The following STK32C variants were observed in gnomAD, a reference collection of about 807,000 sequenced individuals.
STK32C encodes serine/threonine-protein kinase 32C.
In STK32C, 31 loss-of-function variants were observed where a neutral mutation model predicts 56.5. The ratio of observed to expected loss-of-function variants is 0.55; its 90% CI spans 0.41 to 0.74. The LOEUF (loss-of-function observed/expected upper bound fraction) is 0.74, where lower values mean the gene tolerates loss of function less well. Among genes scored for constraint, STK32C ranks in the 30% least tolerant of loss-of-function variants. The pLI is 0.00. For missense variants in STK32C, 544 were observed against 676.9 expected (o/e 0.80, Z 2.18); for synonymous variants, 309 against 289.4 (o/e 1.07, Z -0.69).
At chr10:132,245,116 T>A (rs2063639326) in intron 2 of STK32C, among the ~76,000 whole-genome samples, 1 of 152,184 alleles carries the variant, frequency 6.6e-6, no homozygotes, top group South Asian at 2.1e-4. Context: ...ACCCTACGTA[T>A]TATGCTCCGG....
At chr10:132,219,967 C>T (rs1384668848) in intron 10 of STK32C, among the ~76,000 whole-genome samples, 1 of 152,148 alleles carries the variant, frequency 6.6e-6, no homozygotes, top group African/African-American at 2.4e-5. Flanking sequence ...GACCCAGGGT[C>T]ATCACCGTCA....
At chr10:132,263,721 C>G (rs980036408) in intron 1 of STK32C, among the ~76,000 whole-genome samples, 4 of 150,862 alleles carry the variant, frequency 2.7e-5, no homozygotes, top group Non-Finnish European at 4.4e-5. Flanking sequence ...AAAAAGATAG[C>G]TGGGCATGGT....
At chr10:132,316,472 A>G (rs892352826) in intron 1 of STK32C, among the ~76,000 whole-genome samples, 1 of 152,148 alleles carries the variant, frequency 6.6e-6, no homozygotes, top group Admixed American at 6.5e-5. Context: ...TAAAAAAATT[A>G]GCCAGGCATG....
upstream of STK32C, chr10:132,307,979 G>A (rs2066134036): frequency 2.0e-6 from 2 of 991,396 alleles, no homozygotes; most frequent in East Asian, 1.1e-4. This position sits in a 1 kb window ranked among gnomAD's most constrained non-coding sequence, Gnocchi z 4.4. Context: ...CGTAGATTGC[G>A]AGCGCTGGGG....
rs568099625 is a variant in STK32C at position 132,276,525 on chromosome 10, T to C, written c.263-30570A>G. ...GGCGAGGCACGGCGGCTCACGCCTG[T>C]CATCCCAGCACTTTGGGAAGCCAAG... On this transcript the variant is annotated intron_variant, in intron 1 of 11. Transcript: ENST00000298630. 2.6e-5 allele frequency among the ~76,000 whole-genome samples: 4 copies of C among 152,296 alleles called. No individual in the cohort carries two copies. The East Asian group carries it at 7.7e-4, about 29-fold the overall frequency.
At chr10:132,271,977 T>G (rs879672655) in intron 1 of STK32C, among the ~76,000 whole-genome samples, 7 of 152,336 alleles carry the variant, frequency 4.6e-5, no homozygotes, top group Admixed American at 3.9e-4. Context: ...GCAAGGCCCC[T>G]ACCCTGAATG....
rs1227182513 is a variant in STK32C, at chr10:132,307,369, C to G, written c.262+203G>C. 6.6e-6 allele frequency among the ~76,000 whole-genome samples: 1 copy of G among 151,876 alleles called. No individual in the cohort carries two copies. Among genetic ancestry groups the G allele is most frequent in the African/African-American group, 2.4e-5 (1 of 41,384 alleles). On this transcript the variant is annotated intron_variant, in intron 1 of 11. Coordinates refer to ENST00000298630, the MANE Select transcript of STK32C (RefSeq NM_173575.4). This position sits in a 1 kb window ranked among gnomAD's most constrained non-coding sequence, Gnocchi z 4.4. The stretch of plus-strand genomic sequence containing the variant: ...GGCCCAGCCTGCTCCTCCTGCGGCG[C>G]CGCCACTAGAAACGGAGGACGCGGG...
At chr10:132,297,256 C>T (rs1443490260) in intron 1 of STK32C, among the ~76,000 whole-genome samples, 4 of 152,228 alleles carry the variant, frequency 2.6e-5, no homozygotes, top group Non-Finnish European at 4.4e-5. Flanking sequence ...GCCCCTCCTC[C>T]GTGGCCATCC....
At chr10:132,274,723 C>T (rs1021329058) in intron 1 of STK32C, among the ~76,000 whole-genome samples, 1 of 152,224 alleles carries the variant, frequency 6.6e-6, no homozygotes, top group African/African-American at 2.4e-5. Context: ...TCCACGGGAA[C>T]CAGGCCTCGG....
intron 1 of STK32C, among the ~76,000 whole-genome samples, chr10:132,260,779 G>A (rs748048018): frequency 6.6e-6 from 1 of 152,246 alleles, no homozygotes; most frequent in Non-Finnish European, 1.5e-5. Context: ...GAGGGGCAGG[G>A]AGAGGGGCGA....
At chr10:132,285,778 G>A (rs928447477) in intron 1 of STK32C, among the ~76,000 whole-genome samples, 9 of 152,156 alleles carry the variant, frequency 5.9e-5, no homozygotes, top group Non-Finnish European at 7.3e-5. Flanking sequence ...GGAACAAAAC[G>A]CAAAACACTA....
chr10:132,282,759 C>T (rs572418613), intron 1 of STK32C, among the ~76,000 whole-genome samples: 51 of 152,398 alleles, frequency 3.3e-4, no homozygotes, highest in African/African-American at 1.2e-3. Context: ...AGTTAAACAT[C>T]TTAGCCACCA....
chr10:132,318,433 T>C (rs1055617412), intron 1 of STK32C, among the ~76,000 whole-genome samples: 5 of 151,604 alleles, frequency 3.3e-5, no homozygotes, highest in African/African-American at 1.2e-4. Context: ...CCAGCCAACA[T>C]AGGAAAACCT....
chr10:132,237,175 T>TGACTGTGCTCCCTG (rs141227794), intron 2 of STK32C, among the ~76,000 whole-genome samples: 11 of 151,046 alleles, frequency 7.3e-5, no homozygotes, highest in South Asian at 2.1e-4. Context: ...TCCCACTCCC[T>TGACTGTGCTCCCTG]GACTGTGCTC....
chr10:132,306,353 C>T (rs1260958928), intron 1 of STK32C, among the ~76,000 whole-genome samples: 1 of 152,238 alleles, frequency 6.6e-6, no homozygotes, highest in Non-Finnish European at 1.5e-5. Context: ...ATGTTAAAAA[C>T]AAAAACATTT....
At chr10:132,307,972 A>G (rs1490674151), upstream of STK32C, 18 of 909,094 alleles carry the variant, frequency 2.0e-5, no homozygotes, top group African/African-American at 4.2e-5. The surrounding 1 kb of genome is among the most constrained non-coding windows in gnomAD (Gnocchi z 4.4). Flanking sequence ...CCCGCCCCGT[A>G]GATTGCGAGC....
At chr10:132,231,229 G>C (rs1412807423) in intron 2 of STK32C, among the ~76,000 whole-genome samples, 4 of 152,232 alleles carry the variant, frequency 2.6e-5, no homozygotes, top group Admixed American at 2.6e-4. Context: ...CGGCTCTGCT[G>C]TCCACCAGAA....
intron 1 of STK32C, among the ~76,000 whole-genome samples, chr10:132,250,003 G>C (rs977543203): frequency 1.3e-5 from 2 of 152,244 alleles, no homozygotes; most frequent in Admixed American, 1.3e-4. Flanking sequence ...AGCTTCCTGT[G>C]GGCTTTGAGG....
At chr10:132,311,617 C>T (rs1485016922), upstream of STK32C, among the ~76,000 whole-genome samples, 1 of 152,236 alleles carries the variant, frequency 6.6e-6, no homozygotes, top group Admixed American at 6.5e-5. The surrounding 1 kb of genome is among the most constrained non-coding windows in gnomAD (Gnocchi z 4.4). Flanking sequence ...AGGAAGGAGC[C>T]CTCGCCCCCA....
Sources: allele counts gnomAD v4.1 joint callset (sites outside exome capture counted in the v4.1 genomes callset), GRCh38; gene constraint gnomAD v4.1.1; non-coding constraint Gnocchi (gnomAD v3.1); transcripts MANE v1.5; gene names NCBI Gene and HGNC (gene_info 2026-07-23, HGNC 2026-07-21).